SPAG16: variants seen among roughly 807,000 people sequenced by gnomAD.
SPAG16 encodes the protein sperm-associated antigen 16 protein.
A neutral mutation model predicts 80.4 loss-of-function variants in SPAG16; 86 were observed. The ratio of observed to expected loss-of-function variants is 1.07; its 90% CI spans 0.90 to 1.28. SPAG16 has a LOEUF of 1.28. Among genes scored for constraint, SPAG16 ranks in the 50% most tolerant of loss-of-function variants. SPAG16 has a pLI of 0.00. For synonymous variants in SPAG16, 294 were observed against 265.9 expected, an observed-to-expected ratio of 1.11 and a Z score of -1.03; for missense variants, 870 against 765.3, an observed-to-expected ratio of 1.14 and a Z score of -1.61.
At chr2:213,375,348 C>T in intron 9 of SPAG16, 2 of 338,010 alleles carry the variant, frequency 5.9e-6, no homozygotes, top group South Asian at 1.8e-4. Flanking sequence ...ATCACTCTGC[C>T]ACCTATCCCA....
At chr2:213,969,939 T>G (rs1490872786) in intron 12 of SPAG16, among the ~76,000 whole-genome samples, 1 of 152,178 alleles carries the variant, frequency 6.6e-6, no homozygotes, top group African/African-American at 2.4e-5. Context: ...CTGAGTAACT[T>G]GTGAAAAACA....
At chr2:213,903,854 A>G (rs1038850961) in intron 11 of SPAG16, among the ~76,000 whole-genome samples, 3 of 152,128 alleles carry the variant, frequency 2.0e-5, no homozygotes, top group African/African-American at 4.8e-5. Flanking sequence ...TTCTTGCTCC[A>G]TATACTCTAA....
intron 5 of SPAG16, among the ~76,000 whole-genome samples, chr2:213,336,518 C>T (rs2064366969): frequency 6.6e-6 from 1 of 152,200 alleles, no homozygotes. Flanking sequence ...GCCACCATCA[C>T]TGCGGCTCCA....
At chr2:214,193,760 C>T (rs1485709221) in intron 15 of SPAG16, among the ~76,000 whole-genome samples, 1 of 152,054 alleles carries the variant, frequency 6.6e-6, no homozygotes, top group Non-Finnish European at 1.5e-5. Context: ...ACCTCAGACA[C>T]TTGCTTTGAA....
Position 214,177,971 on chromosome 2 carries a change from G to GTGTATATA in SPAG16, c.1720+28706_1720+28707insGTATATAT, listed in dbSNP as rs1397087073. Reference sequence around the variant, plus strand: ...TTATATCTAACTTCACAAAGTGTATGTATATATATATATATATATATATAT... The same window carrying GTGTATATA: ...TTATATCTAACTTCACAAAGTGTATGTGTATATATATATATATATATATATATATATAT... On this transcript the variant is annotated intron_variant, in intron 15 of 15. Coordinates refer to ENST00000331683, the MANE Select transcript of SPAG16 (RefSeq NM_024532.5). Among the ~76,000 whole-genome samples, 51 of 59,344 alleles carry GTGTATATA rather than the reference G, an allele frequency of 8.6e-4. 1 individual carries two copies. Among genetic ancestry groups the GTGTATATA allele is most frequent in the East Asian group, 3.6e-3 (5 of 1,394 alleles). 38.9% of individuals were successfully genotyped at this position (59,344 alleles called of 152,430 possible).
intron 10 of SPAG16, among the ~76,000 whole-genome samples, chr2:213,841,104 T>C (rs2074342657): frequency 6.6e-6 from 1 of 152,160 alleles, no homozygotes. Flanking sequence ...TTTGTTGTTA[T>C]TATAGTGCTT....
intron 13 of SPAG16, among the ~76,000 whole-genome samples, chr2:214,067,115 A>G (rs918554038): frequency 6.6e-6 from 1 of 152,122 alleles, no homozygotes; most frequent in Non-Finnish European, 1.5e-5. Context: ...TTCCATTCAC[A>G]TTAACTTTTC....
At chr2:213,603,857 G>A (rs2061156817) in intron 10 of SPAG16, among the ~76,000 whole-genome samples, 1 of 150,790 alleles carries the variant, frequency 6.6e-6, no homozygotes, top group Admixed American at 6.6e-5. Context: ...CTTTAATTCA[G>A]TTTTTCAAGT....
At chr2:214,239,997 A>C (rs779841432) in intron 15 of SPAG16, 1 of 152,228 alleles carries the variant, frequency 6.6e-6, no homozygotes, top group Non-Finnish European at 1.5e-5. Flanking sequence ...AAGGCCAAGT[A>C]GTCAATACCC....
chr2:213,839,906 G>C (rs1167947232), intron 10 of SPAG16, among the ~76,000 whole-genome samples: 1 of 152,146 alleles, frequency 6.6e-6, no homozygotes, highest in East Asian at 1.9e-4. Flanking sequence ...GGGGAAATAA[G>C]GGGAAGGCTC....
In SPAG16 at chr2:214,123,618, A is replaced by AGT. The variant is rs1179967279; in HGVS notation, c.1593+15358_1593+15359dup. ...TCTTAATAATCAGAGACAATAAACC[A>AGT]GTAAATAAGTGAATAATCTCAGGAA... On this transcript the variant is annotated intron_variant, in intron 14 of 15. Transcript: ENST00000331683. Among the ~76,000 whole-genome samples, 7 of 152,172 alleles carry AGT rather than the reference A, an allele frequency of 4.6e-5. No individual in the cohort carries two copies. In the South Asian group the frequency reaches 1.0e-3, roughly 23 times the overall value.
At chr2:214,015,225 G>A (rs2047525229) in intron 13 of SPAG16, among the ~76,000 whole-genome samples, 1 of 152,118 alleles carries the variant, frequency 6.6e-6, no homozygotes, top group South Asian at 2.1e-4. Flanking sequence ...CCCACTTCAT[G>A]GTCAGTGGTC....
chr2:213,315,591 T>G (rs1447073616), intron 4 of SPAG16, among the ~76,000 whole-genome samples: 2 of 152,026 alleles, frequency 1.3e-5, no homozygotes, highest in African/African-American at 4.8e-5. Flanking sequence ...GTGCTTTGCT[T>G]TAGAGCATAT....
chr2:214,164,808 T>C (rs974405995), intron 15 of SPAG16, among the ~76,000 whole-genome samples: 3 of 152,184 alleles, frequency 2.0e-5, no homozygotes, highest in African/African-American at 4.8e-5. Context: ...TTCCTATTTA[T>C]GTCTAAAGAC....
chr2:214,043,129 C>G (rs9288484), intron 13 of SPAG16, among the ~76,000 whole-genome samples: 122,252 of 151,088 alleles, frequency 0.81, 49,807 homozygotes, highest in South Asian at 0.88. Flanking sequence ...TGCAGTTCTG[C>G]CCAAGGATAC....
intron 15 of SPAG16, among the ~76,000 whole-genome samples, chr2:214,337,521 G>C (rs1697382323): frequency 6.6e-6 from 1 of 152,200 alleles, no homozygotes. Flanking sequence ...AATTAACTTA[G>C]GAGTACCATG....
At chr2:213,807,201 G>A (rs993633302) in intron 10 of SPAG16, among the ~76,000 whole-genome samples, 1 of 152,088 alleles carries the variant, frequency 6.6e-6, no homozygotes, top group Non-Finnish European at 1.5e-5. Context: ...CTTAAAACAG[G>A]ATCTTTCCTT....
At chr2:213,380,180 A>G (rs1243107605) in intron 9 of SPAG16, among the ~76,000 whole-genome samples, 2 of 152,160 alleles carry the variant, frequency 1.3e-5, no homozygotes, top group Non-Finnish European at 2.9e-5. Context: ...TTCTCCTTCC[A>G]TGCAAAGTGC....
chr2:213,506,853 TTC>T (rs1430355537), intron 10 of SPAG16, among the ~76,000 whole-genome samples: 5 of 152,236 alleles, frequency 3.3e-5, no homozygotes. Context: ...CTTAACTGTT[TTC>T]TGTCTTTTGT....
Sources: gnomAD v4.1 joint callset for allele counts (sites outside exome capture counted in the v4.1 genomes callset) on GRCh38, gnomAD v4.1.1 for gene constraint, MANE v1.5 for transcripts, NCBI Gene and HGNC (gene_info 2026-07-23, HGNC 2026-07-21) for gene names.